Variants in ANO6 observed in about 807,000 individuals in gnomAD.
ANO6 encodes anoctamin-6.
A neutral mutation model predicts 117.5 loss-of-function variants in ANO6; 106 were observed. The observed-to-expected ratio is 0.90, with a 90% CI of 0.77 to 1.06. The LOEUF (loss-of-function observed/expected upper bound fraction) is 1.06. Ranked by LOEUF, ANO6 falls within the 50% of genes least tolerant of loss-of-function variation. The pLI is 0.00. For missense variants in ANO6, 955 were observed against 1,121.1 expected (o/e 0.85, Z 2.12); for synonymous variants, 367 against 385.1 (o/e 0.95, Z 0.55).
At chr12:45,292,672 G>C (rs937317510) in intron 1 of ANO6, 86 of 1,256,092 alleles carry the variant, frequency 6.8e-5, no homozygotes, top group Non-Finnish European at 4.0e-5. Flanking sequence ...TGTATTTTTA[G>C]AGCTGAACTG....
chr12:45,303,808 T>A (rs550159156), intron 2 of ANO6, among the ~76,000 whole-genome samples: 43 of 152,348 alleles, frequency 2.8e-4, no homozygotes, highest in South Asian at 2.7e-3. Flanking sequence ...GTTTTCACAG[T>A]GAATCTGAGA....
At chr12:45,336,566 C>T (rs1349926597) in intron 3 of ANO6, among the ~76,000 whole-genome samples, 3 of 152,090 alleles carry the variant, frequency 2.0e-5, no homozygotes, top group African/African-American at 7.2e-5. Flanking sequence ...CATGGTAGTG[C>T]AATGCATTAC....
intron 1 of ANO6, among the ~76,000 whole-genome samples, chr12:45,282,918 C>G (rs1428850612): frequency 6.6e-6 from 1 of 152,116 alleles, no homozygotes; most frequent in East Asian, 1.9e-4. Flanking sequence ...TGCTATTGCT[C>G]GCTCTCTCAT....
At chr12:45,293,022 C>G in intron 1 of ANO6, 1 of 1,518,802 alleles carries the variant, frequency 6.6e-7, no homozygotes. Context: ...AAATATTGTC[C>G]AAATATTTGA....
At position 45,256,085 on chromosome 12, in the gene ANO6, A is replaced by G. The variant is rs567878592; in HGVS notation, c.70+39694A>G. ...GTGATCCGCCTGTCTCGGCCTCCCA[A>G]GGTGCTGGGATTACAGGCATGATCC... On this transcript the variant is annotated intron_variant, in intron 1 of 19. Transcript: ENST00000320560. 2.0e-5 allele frequency among the ~76,000 whole-genome samples: 3 copies of G among 152,234 alleles called. No individual in the cohort carries two copies. The South Asian group carries it at 6.2e-4, about 32-fold the overall frequency.
At chr12:45,372,273 T>A (rs1335283459) in intron 9 of ANO6, among the ~76,000 whole-genome samples, 1 of 142,724 alleles carries the variant, frequency 7.0e-6, no homozygotes, top group Non-Finnish European at 1.5e-5. Flanking sequence ...TGGAACCAAG[T>A]TGGAAAACAC....
intron 3 of ANO6, among the ~76,000 whole-genome samples, chr12:45,341,035 G>GGT (rs1400601613): frequency 6.6e-6 from 1 of 152,138 alleles, no homozygotes; most frequent in African/African-American, 2.4e-5. Context: ...GTAACACCAA[G>GGT]GTGATATATT....
chr12:45,260,970 GTTTGTTTTGT>G (rs200869023), intron 1 of ANO6, among the ~76,000 whole-genome samples: 1 of 147,236 alleles, frequency 6.8e-6, no homozygotes, highest in Non-Finnish European at 1.5e-5. Flanking sequence ...TTGTTTGTTT[GTTTGTTTTGT>G]TTTGTTTTGT....
intron 1 of ANO6, among the ~76,000 whole-genome samples, chr12:45,221,062 G>GGGC (rs1555156323): frequency 6.7e-6 from 1 of 148,502 alleles, no homozygotes; most frequent in Admixed American, 7.1e-5. Context: ...TCGGAAGTGG[G>GGGC]GGGGGGCAGC....
Position 45,373,439 on chromosome 12 carries a change from A to G in ANO6, c.1105-4614A>G, listed in dbSNP as rs547736145. ...TTCAGCACCACACCACACCTATTCC[A>G]AAATTGACCACATACTTGGAAATAA... is the stretch of plus-strand genomic sequence containing the variant. On this transcript the variant is annotated intron_variant, in intron 9 of 19. Transcript: ENST00000320560. Among the ~76,000 whole-genome samples, 35 of 152,284 alleles carry G rather than the reference A, an allele frequency of 2.3e-4. No homozygotes were observed. The South Asian group carries it at 7.3e-3, about 32-fold the overall frequency.
intron 9 of ANO6, among the ~76,000 whole-genome samples, chr12:45,370,833 TAGA>T (rs1327948620): frequency 6.6e-6 from 1 of 152,086 alleles, no homozygotes; most frequent in Non-Finnish European, 1.5e-5. Flanking sequence ...TGAGGTTTTT[TAGA>T]AGAATGATTG....
intron 2 of ANO6, among the ~76,000 whole-genome samples, chr12:45,320,454 T>C (rs1334623232): frequency 6.6e-6 from 1 of 152,214 alleles, no homozygotes; most frequent in Non-Finnish European, 1.5e-5. Context: ...AATCCTGAGT[T>C]CTAATTTGAT....
rs145177346 is a variant in ANO6 at position 45,336,230 on chromosome 12, A to G, written c.279+4807A>G. Among the ~76,000 whole-genome samples the G allele has an allele frequency of 1.7e-3, 252 of 152,142 alleles. 1 individual carries two copies. Among genetic ancestry groups the G allele is most frequent in the African/African-American group, 5.6e-3 (231 of 41,536 alleles). The stretch of plus-strand genomic sequence containing the variant: ...TTATCAAATGCTTTTTCTTATATCT[A>G]TTGAGGTGATCATATGGCTTGGTTC... On this transcript the variant is annotated intron_variant, in intron 3 of 19. Transcript: ENST00000320560.
At chr12:45,433,974 T>TA (rs952780905), downstream of ANO6, among the ~76,000 whole-genome samples, 5 of 152,206 alleles carry the variant, frequency 3.3e-5, no homozygotes, top group Non-Finnish European at 5.9e-5. Flanking sequence ...ATAAGACAGG[T>TA]AGCCCTTTAA....
At chr12:45,238,772 G>A (rs545738598) in intron 1 of ANO6, among the ~76,000 whole-genome samples, 1 of 152,252 alleles carries the variant, frequency 6.6e-6, no homozygotes, top group East Asian at 1.9e-4. Flanking sequence ...TTTTGTTGAA[G>A]GCCTTTTCTG....
At chr12:45,285,301 G>C (rs544474640) in intron 1 of ANO6, among the ~76,000 whole-genome samples, 2 of 152,186 alleles carry the variant, frequency 1.3e-5, no homozygotes, top group Non-Finnish European at 2.9e-5. Context: ...TTACCAACTA[G>C]CACCTGAATA....
At chr12:45,373,290 TAGAC>T (rs1941900510) in intron 9 of ANO6, among the ~76,000 whole-genome samples, 1 of 151,926 alleles carries the variant, frequency 6.6e-6, no homozygotes, top group South Asian at 2.1e-4. Flanking sequence ...CTGTCAACAT[TAGAC>T]AGATCAATGA....
chr12:45,238,058 GCA>G (rs1214039030), intron 1 of ANO6, among the ~76,000 whole-genome samples: 1 of 151,902 alleles, frequency 6.6e-6, no homozygotes, highest in Non-Finnish European at 1.5e-5. Flanking sequence ...TGTGATTTTT[GCA>G]CATTGATTTT....
At chr12:45,439,709 G>C in exon 20 of ANO6, 1 of 1,531,242 alleles carries the variant, frequency 6.5e-7, no homozygotes, top group Middle Eastern at 1.8e-4. Context: ...GGACACAGTG[G>C]CATGATCTTG....
Sources: gnomAD v4.1 joint callset for allele counts (sites outside exome capture counted in the v4.1 genomes callset) on GRCh38, gnomAD v4.1.1 for gene constraint, MANE v1.5 for transcripts, NCBI Gene and HGNC (gene_info 2026-07-23, HGNC 2026-07-21) for gene names.